CAPN14: variants seen among roughly 807,000 people sequenced by gnomAD.
CAPN14 encodes calpain-14.
CAPN14 carries 94 observed loss-of-function variants against 101.3 expected under a neutral mutation model. The observed-to-expected ratio is 0.93, with a 90% CI of 0.79 to 1.10. The LOEUF (loss-of-function observed/expected upper bound fraction) is 1.10. Ranked by LOEUF, CAPN14 falls within the 50% of genes least tolerant of loss-of-function variation. The probability of loss-of-function intolerance (pLI) is 0.00; values close to 1 mark genes in which losing one functional copy is unlikely to be tolerated. For synonymous variants in CAPN14, 338 were observed against 317.9 expected, an observed-to-expected ratio of 1.06 and a Z score of -0.67; for missense variants, 837 against 828.4, an observed-to-expected ratio of 1.01 and a Z score of -0.13.
chr2:31,205,701 C>T (rs1466114633), intron 1 of CAPN14, among the ~76,000 whole-genome samples: 1 of 152,126 alleles, frequency 6.6e-6, no homozygotes, highest in African/African-American at 2.4e-5. Context: ...GGTGGGAGAT[C>T]AGGGATCTTG....
Position 31,194,402 on chromosome 2 carries a change from C to T in CAPN14, c.950+7G>A. 1 of 1,549,416 alleles carries T rather than the reference C, an allele frequency of 6.5e-7. No homozygotes were observed. Among genetic ancestry groups the T allele is most frequent in the Non-Finnish European group, 8.7e-7 (1 of 1,145,054 alleles). On this transcript the variant is annotated splice_region_variant and intron_variant, in intron 9 of 21. Transcript: ENST00000403897. ...AGGACATTTGTCCAAGTCCCTAAGT[C>T]CAATACCAGAATTCTCCGTCATTGT...
intron 12 of CAPN14, among the ~76,000 whole-genome samples, chr2:31,190,485 T>C (rs1434996262): frequency 6.6e-6 from 1 of 152,176 alleles, no homozygotes; most frequent in African/African-American, 2.4e-5. Context: ...TGAGCCACGG[T>C]AGCTGTCCTG....
chr2:31,221,678 C>G (rs769762687), upstream of CAPN14, among the ~76,000 whole-genome samples: 1 of 152,134 alleles, frequency 6.6e-6, no homozygotes. Context: ...CCAGGGAGAA[C>G]AGCGTGGTTT....
At chr2:31,180,515 TG>T (rs1259817263) in intron 17 of CAPN14, among the ~76,000 whole-genome samples, 3 of 152,142 alleles carry the variant, frequency 2.0e-5, no homozygotes, top group African/African-American at 7.2e-5. Context: ...GATCTGTGCA[TG>T]GGGGCAGCCA....
Position 31,181,524 on chromosome 2 carries a change from T to A in CAPN14, c.1646-524A>T, listed in dbSNP as rs532081265. Among the ~76,000 whole-genome samples the A allele has an allele frequency of 4.8e-5, 6 of 125,158 alleles. No homozygotes were observed. In the East Asian group the frequency reaches 1.2e-3, roughly 26 times the overall value. The allele number at this position is 125,158 out of a possible 152,430, so 82.1% of individuals were successfully genotyped here. On this transcript the variant is annotated intron_variant, in intron 16 of 21. Transcript: ENST00000403897. ...TTTCTTTCTTTCTTTTTTTTATTTT[T>A]TTATTTTATTATTATACCTTAAGTT...
At chr2:31,183,057 A>G (rs1233884777) in intron 16 of CAPN14, among the ~76,000 whole-genome samples, 1 of 152,248 alleles carries the variant, frequency 6.6e-6, no homozygotes, top group African/African-American at 2.4e-5. Context: ...CTGATCTTTG[A>G]CAAACCTGAC....
intron 18 of CAPN14, among the ~76,000 whole-genome samples, chr2:31,178,228 A>G (rs934095527): frequency 6.6e-6 from 1 of 152,198 alleles, no homozygotes; most frequent in African/African-American, 2.4e-5. Flanking sequence ...CAAGTGTGCC[A>G]AGGAGTTTGG....
intron 9 of CAPN14, among the ~76,000 whole-genome samples, chr2:31,193,851 T>C (rs1681336269): frequency 6.6e-6 from 1 of 152,082 alleles, no homozygotes; most frequent in South Asian, 2.1e-4. Flanking sequence ...GGATGGTTAA[T>C]GGGAGCAGTC....
At chr2:31,209,210 C>G (rs568173989) in intron 1 of CAPN14, among the ~76,000 whole-genome samples, 2 of 150,196 alleles carry the variant, frequency 1.3e-5, no homozygotes, top group East Asian at 4.0e-4. Flanking sequence ...CTCCTGGCGT[C>G]AGGCAGTCCT....
intron 1 of CAPN14, among the ~76,000 whole-genome samples, chr2:31,215,173 A>C (rs1220559913): frequency 6.6e-6 from 1 of 152,200 alleles, no homozygotes; most frequent in African/African-American, 2.4e-5. Flanking sequence ...TAAAGAGCCA[A>C]TCCTTCTGAT....
intron 13 of CAPN14, among the ~76,000 whole-genome samples, 159 bp downstream of exon 13, chr2:31,189,114 G>A (rs1482347374): frequency 6.6e-6 from 1 of 152,198 alleles, no homozygotes; most frequent in East Asian, 1.9e-4. Context: ...GAACGGGAGG[G>A]ATGTTCTCCA....
chr2:31,189,314 T>C lies in CAPN14; in HGVS notation c.1452A>G (p.Ser484=). The C allele has an allele frequency of 6.4e-7, 1 of 1,551,688 alleles. No individual in the cohort carries two copies. Among genetic ancestry groups the C allele is most frequent in the Non-Finnish European group, 8.7e-7 (1 of 1,147,018 alleles). ...TGGAGAAGACCCTGAGGACGAACTC[T>C]GACTTCTGGTGGGCCTCCAATATGC... ...VPCILEAHQK[S]EFVLRVFSRK... Residue 484 remains serine, a synonymous_variant, in exon 13 of 22, where the codon TCA becomes TCG. Transcript: ENST00000403897.
At chr2:31,192,504 G>A (rs1681245059) in intron 10 of CAPN14, among the ~76,000 whole-genome samples, 1 of 152,188 alleles carries the variant, frequency 6.6e-6, no homozygotes, top group African/African-American at 2.4e-5. Context: ...GAAATACTGT[G>A]TCAAAAGGGG....
At chr2:31,176,544 C>A (rs1469605586) in intron 21 of CAPN14, 43 bp downstream of exon 21, 4 of 1,500,742 alleles carry the variant, frequency 2.7e-6, no homozygotes, top group Non-Finnish European at 2.7e-6. Flanking sequence ...AGGGCCACCT[C>A]TACGTAAGAT....
At chr2:31,209,930 C>T (rs1682301815) in intron 1 of CAPN14, among the ~76,000 whole-genome samples, 1 of 152,186 alleles carries the variant, frequency 6.6e-6, no homozygotes, top group Non-Finnish European at 1.5e-5. Context: ...CAGCACAGCA[C>T]TGGTCAACCT....
At chr2:31,218,970 A>AC (rs969916467), upstream of CAPN14, among the ~76,000 whole-genome samples, 2 of 57,968 alleles carry the variant, frequency 3.5e-5, no homozygotes, top group African/African-American at 6.2e-5. Context: ...CATTATTATT[A>AC]TTATCTATCT....
At chr2:31,225,594 T>C (rs1249784397) in intron 2 of CAPN14, among the ~76,000 whole-genome samples, 1 of 152,086 alleles carries the variant, frequency 6.6e-6, no homozygotes, top group African/African-American at 2.4e-5. Flanking sequence ...AACTCTGAAA[T>C]AGAGCTTTTA....
intron 13 of CAPN14, among the ~76,000 whole-genome samples, chr2:31,188,622 C>A (rs1681027160): frequency 6.6e-6 from 1 of 152,114 alleles, no homozygotes; most frequent in African/African-American, 2.4e-5. Context: ...GGCAGTGGGG[C>A]CTGCCTGAGA....
Position 31,224,086 on chromosome 2 carries a change from C to T in CAPN14, c.-53+2442G>A, listed in dbSNP as rs563454483. ...TCTTGTCTCTTTAACATGTGAATTC[C>T]GTCCCATCCTGTAAAGGAAAAGCCT... On this transcript the variant is annotated intron_variant and NMD_transcript_variant, in intron 2 of 21. Transcript: ENST00000398824. 7.2e-5 allele frequency among the ~76,000 whole-genome samples: 11 copies of T among 152,156 alleles called. No individual in the cohort carries two copies. The East Asian group carries it at 7.7e-4, about 11-fold the overall frequency.
Sources: allele counts gnomAD v4.1 joint callset (sites outside exome capture counted in the v4.1 genomes callset), GRCh38; gene constraint gnomAD v4.1.1; transcripts MANE v1.5; gene names NCBI Gene and HGNC (gene_info 2026-07-23, HGNC 2026-07-21).